Variants in PAIP2B observed in about 807,000 individuals in gnomAD.
The protein encoded by PAIP2B is poly(A) binding protein interacting protein 2B, also known as polyadenylate-binding protein-interacting protein 2B.
A neutral mutation model predicts 17.0 loss-of-function variants in PAIP2B; 13 were observed. The ratio of observed to expected loss-of-function variants is 0.76; its 90% CI spans 0.50 to 1.22. The LOEUF (loss-of-function observed/expected upper bound fraction) is 1.22. Among genes scored for constraint, PAIP2B ranks in the 50% most tolerant of loss-of-function variants. PAIP2B has a pLI of 0.00. For missense variants in PAIP2B, 117 were observed against 144.5 expected (o/e 0.81, Z 0.98); for synonymous variants, 43 against 48.7 (o/e 0.88, Z 0.48).
chr2:71,219,766 T>C (rs1356342537), intron 1 of PAIP2B, among the ~76,000 whole-genome samples: 6 of 152,196 alleles, frequency 3.9e-5, no homozygotes, highest in Non-Finnish European at 8.8e-5. Context: ...TCTATAAATG[T>C]ATGTGGCAAA....
chr2:71,213,295 C>T (rs1275847785), intron 1 of PAIP2B, among the ~76,000 whole-genome samples: 1 of 152,042 alleles, frequency 6.6e-6, no homozygotes, highest in African/African-American at 2.4e-5. Context: ...AGGTTTGCCA[C>T]AACAAAGTGG....
rs1486880190 is a variant in PAIP2B, at chr2:71,184,113, A to AT, written c.*4365dup. 2.0e-5 allele frequency: 3 copies of AT among 152,178 alleles called. No individual in the cohort carries two copies. The highest frequency in any genetic ancestry group is 4.4e-5 in the Non-Finnish European group (3 of 68,034). 9.4% of individuals were successfully genotyped at this position (152,178 alleles called of 1,614,324 possible). Reference sequence around the variant, plus strand: ...TGTACACTAGTACAATGTTTTTAAGATTTTATCTCATTTTTGTCATATTAG... The same window carrying AT: ...TGTACACTAGTACAATGTTTTTAAGATTTTTATCTCATTTTTGTCATATTAG... On this transcript the variant is annotated 3_prime_UTR_variant, in exon 4 of 4. Coordinates refer to ENST00000244221, the MANE Select transcript of PAIP2B (RefSeq NM_020459.1).
At chr2:71,211,258 CA>C (rs34543785) in intron 1 of PAIP2B, among the ~76,000 whole-genome samples, 406 of 126,398 alleles carry the variant, frequency 3.2e-3, no homozygotes, top group Middle Eastern at 4.0e-3. Flanking sequence ...AGACTTGTCT[CA>C]AAAAAAAAAA....
At chr2:71,193,616 G>A (rs1279046127) in intron 2 of PAIP2B, among the ~76,000 whole-genome samples, 1 of 152,128 alleles carries the variant, frequency 6.6e-6, no homozygotes, top group African/African-American at 2.4e-5. Context: ...CACTTTAGGA[G>A]GCTGAGGCAG....
intron 1 of PAIP2B, among the ~76,000 whole-genome samples, chr2:71,207,676 G>A (rs1646945478): frequency 6.6e-6 from 1 of 152,172 alleles, no homozygotes; most frequent in African/African-American, 2.4e-5. Flanking sequence ...GATGATGGCA[G>A]TAAGAAGAAA....
At chr2:71,204,711 G>T (rs915670705) in intron 1 of PAIP2B, among the ~76,000 whole-genome samples, 4 of 152,040 alleles carry the variant, frequency 2.6e-5, no homozygotes, top group African/African-American at 9.7e-5. Flanking sequence ...TAGAGGGAAA[G>T]AAACCAGTTC....
In PAIP2B at chr2:71,200,995, C is replaced by T. The variant is rs1475673455; in HGVS notation, c.138+1457G>A. On this transcript the variant is annotated intron_variant, in intron 2 of 3. Transcript: ENST00000244221. ...CTTCTCAACTGTCTTTCCTCAATCT[C>T]TTTGTGTGTGTGGGTGTGTGTGTGT... is the stretch of plus-strand genomic sequence containing the variant. 2.3e-5 allele frequency among the ~76,000 whole-genome samples: 3 copies of T among 130,654 alleles called. No homozygotes were observed. The Admixed American group carries it at 2.6e-4, about 11-fold the overall frequency. The allele number at this position is 130,654 out of a possible 152,430, so 85.7% of individuals were successfully genotyped here. A position where few individuals can be genotyped will look rare whatever the true frequency, so the allele number is the denominator to read the frequency against.
At chr2:71,196,885 T>C (rs1236562494) in intron 2 of PAIP2B, among the ~76,000 whole-genome samples, 2 of 152,188 alleles carry the variant, frequency 1.3e-5, no homozygotes, top group Non-Finnish European at 2.9e-5. Flanking sequence ...TCTCCATCCC[T>C]TTATTTTGAG....
rs1238838004 is a variant in PAIP2B at position 71,183,427 on chromosome 2, C to A, written c.*5052G>T. The A allele has an allele frequency of 9.1e-6, 1 of 109,958 alleles. No homozygotes were observed. Among genetic ancestry groups the A allele is most frequent in the Admixed American group, 1.1e-4 (1 of 9,330 alleles). The allele number at this position is 109,958 out of a possible 1,614,324, so 6.8% of individuals were successfully genotyped here. On this transcript the variant is annotated 3_prime_UTR_variant, in exon 4 of 4. Transcript: ENST00000244221. ...AAAAATTTCTGCAGCAGTTCTGGCT[C>A]TGGATGACAAAGCTCATTCTGATTA...
At chr2:71,195,596 A>G (rs1674796001) in intron 2 of PAIP2B, among the ~76,000 whole-genome samples, 1 of 151,594 alleles carries the variant, frequency 6.6e-6, no homozygotes, top group African/African-American at 2.4e-5. Context: ...GTTTATTTGG[A>G]TCTTCTCTAT....
chr2:71,220,162 G>A (rs1188284229), intron 1 of PAIP2B, among the ~76,000 whole-genome samples: 1 of 152,134 alleles, frequency 6.6e-6, no homozygotes, highest in Non-Finnish European at 1.5e-5. Flanking sequence ...ATTCATTTCC[G>A]AAGGTGCCTC....
chr2:71,205,912 C>A (rs934803431), intron 1 of PAIP2B, among the ~76,000 whole-genome samples: 1 of 152,152 alleles, frequency 6.6e-6, no homozygotes, highest in Non-Finnish European at 1.5e-5. Context: ...AATGAACCAT[C>A]ATGTAAGTGA....
chr2:71,188,403 T>G lies in PAIP2B; in HGVS notation c.*76A>C. ...GCACCCCTCGCCCGCCCCATCCCCC[T>G]CTTCAGCTCCACCATTTTGTGCATT... is the stretch of plus-strand genomic sequence containing the variant. On this transcript the variant is annotated 3_prime_UTR_variant, in exon 4 of 4. Transcript: ENST00000244221. 7 of 737,408 alleles carry G rather than the reference T, an allele frequency of 9.5e-6. No individual in the cohort carries two copies. Among genetic ancestry groups the G allele is most frequent in the Non-Finnish European group, 1.3e-5 (6 of 464,716 alleles). The allele number at this position is 737,408 out of a possible 1,614,324, so 45.7% of individuals were successfully genotyped here. A position where few individuals can be genotyped will look rare whatever the true frequency, so the allele number is the denominator to read the frequency against.
chr2:71,225,329 A>G (rs952882565), intron 1 of PAIP2B, among the ~76,000 whole-genome samples: 1 of 152,232 alleles, frequency 6.6e-6, no homozygotes, highest in Non-Finnish European at 1.5e-5. Context: ...GTAAAATACA[A>G]GGAAGCATAC....
chr2:71,224,290 G>A (rs759222661), intron 1 of PAIP2B, among the ~76,000 whole-genome samples: 1 of 152,090 alleles, frequency 6.6e-6, no homozygotes, highest in Non-Finnish European at 1.5e-5. Context: ...CAATCTACCA[G>A]GATGAGTTGT....
rs140144787 is a variant in PAIP2B, at chr2:71,217,857, G to A, written c.-12+9071C>T. ...CCAAGGGGGGAGATTACTTGAAGTC[G>A]GGAATTCAGGACCAGCCTGGGCAGC... On this transcript the variant is annotated intron_variant, in intron 1 of 3. Transcript: ENST00000244221. Among the ~76,000 whole-genome samples the A allele has an allele frequency of 5.7e-3, 871 of 152,124 alleles. 10 individuals carry two copies. Among genetic ancestry groups the A allele is most frequent in the South Asian group, 0.026 (124 of 4,810 alleles).
chr2:71,224,666 A>G (rs1280044907), intron 1 of PAIP2B, among the ~76,000 whole-genome samples: 2 of 152,154 alleles, frequency 1.3e-5, no homozygotes, highest in Non-Finnish European at 2.9e-5. Context: ...AGGAGATGAG[A>G]TCAGAACACA....
intron 1 of PAIP2B, among the ~76,000 whole-genome samples, chr2:71,210,413 A>G (rs192997036): frequency 8.0e-4 from 122 of 152,344 alleles, no homozygotes; most frequent in African/African-American, 2.8e-3. Flanking sequence ...CTGCATGGAC[A>G]TTAACAGAAA....
intron 1 of PAIP2B, among the ~76,000 whole-genome samples, chr2:71,203,136 G>A (rs35262086): frequency 0.16 from 24,774 of 151,826 alleles, 2,253 homozygotes; most frequent in African/African-American, 0.22. Flanking sequence ...ACAATGTTGC[G>A]CATATAACCT....
Sources: allele counts gnomAD v4.1 joint callset (sites outside exome capture counted in the v4.1 genomes callset), GRCh38; gene constraint gnomAD v4.1.1; transcripts MANE v1.5; gene names NCBI Gene and HGNC (gene_info 2026-07-23, HGNC 2026-07-21).